Variants in ABI2 observed in about 807,000 individuals in gnomAD.
ABI2 encodes abl interactor 2.
In ABI2, 25 loss-of-function variants were observed where a neutral mutation model predicts 59.2. The ratio of observed to expected loss-of-function variants is 0.42; its 90% CI spans 0.31 to 0.59. The LOEUF (loss-of-function observed/expected upper bound fraction) is 0.59, where lower values mean the gene tolerates loss of function less well. Among genes scored for constraint, ABI2 ranks in the 20% least tolerant of loss-of-function variants. ABI2 has a pLI of 0.14. For synonymous variants in ABI2, 213 were observed against 235.5 expected, an observed-to-expected ratio of 0.90 and a Z score of 0.87; for missense variants, 545 against 681.8, an observed-to-expected ratio of 0.80 and a Z score of 2.23.
intron 1 of ABI2, among the ~76,000 whole-genome samples, chr2:203,359,761 A>G (rs1212454817): frequency 6.6e-6 from 1 of 152,166 alleles, no homozygotes; most frequent in Non-Finnish European, 1.5e-5. Flanking sequence ...AATCCCATTC[A>G]TGAAGGCTCT....
chr2:203,360,277 AC>A (rs2093292821), intron 1 of ABI2, among the ~76,000 whole-genome samples: 1 of 152,168 alleles, frequency 6.6e-6, no homozygotes, highest in African/African-American at 2.4e-5. Context: ...ATTTAAAAAA[AC>A]ACTTTAAAAT....
chr2:203,382,302 A>T, intron 4 of ABI2, 96 bp downstream of exon 4: 1 of 1,064,402 alleles, frequency 9.4e-7, no homozygotes. Flanking sequence ...GCCTTTTAAA[A>T]CCCAATAAAT....
intron 1 of ABI2, among the ~76,000 whole-genome samples, chr2:203,334,763 C>T (rs1466012282): frequency 6.6e-6 from 1 of 151,796 alleles, no homozygotes; most frequent in East Asian, 1.9e-4. Context: ...TGGGTTCAAG[C>T]AATTCTCCTG....
In ABI2 at chr2:203,391,220, T is replaced by A. The variant is rs1050273590; in HGVS notation, c.578+77T>A. The A allele has an allele frequency of 4.9e-6, 5 of 1,012,850 alleles. No individual in the cohort carries two copies. The African/African-American group carries it at 8.4e-5, about 17-fold the overall frequency. 62.7% of individuals were successfully genotyped at this position (1,012,850 alleles called of 1,614,324 possible). ...ATGAAGCACAACATATTTAAATTAT[T>A]TTTTGAATATTTGAAGAGAGAACAT... On this transcript the variant is annotated intron_variant, in intron 5 of 11. Transcript: ENST00000261018.
At chr2:203,356,019 T>C (rs1332568962) in intron 1 of ABI2, among the ~76,000 whole-genome samples, 1 of 152,090 alleles carries the variant, frequency 6.6e-6, no homozygotes, top group African/African-American at 2.4e-5. Context: ...AGTCAAGTAG[T>C]GTTTTGATTC....
intron 1 of ABI2, among the ~76,000 whole-genome samples, chr2:203,351,933 A>G (rs996072474): frequency 6.6e-6 from 1 of 152,192 alleles, no homozygotes; most frequent in African/African-American, 2.4e-5. Flanking sequence ...TAAGATTATA[A>G]CAGCTGAAAA....
intron 1 of ABI2, among the ~76,000 whole-genome samples, chr2:203,345,548 C>G (rs527618478): frequency 2.0e-5 from 3 of 152,184 alleles, no homozygotes; most frequent in East Asian, 3.9e-4. Context: ...GTAGCTGGGA[C>G]AACAGGTGCC....
At chr2:203,350,529 TTC>T (rs2087216331) in intron 1 of ABI2, among the ~76,000 whole-genome samples, 1 of 151,546 alleles carries the variant, frequency 6.6e-6, no homozygotes, top group Non-Finnish European at 1.5e-5. Context: ...TTTTTTCTTT[TTC>T]TTTCTTTTCT....
intron 2 of ABI2, among the ~76,000 whole-genome samples, chr2:203,378,386 T>C (rs9917228): frequency 0.039 from 5,998 of 152,184 alleles, 350 homozygotes; most frequent in African/African-American, 0.13. Flanking sequence ...GCTGGGATTA[T>C]AGGCGTGAGC....
intron 1 of ABI2, among the ~76,000 whole-genome samples, chr2:203,344,347 A>C (rs2081858774): frequency 6.6e-6 from 1 of 152,038 alleles, no homozygotes; most frequent in African/African-American, 2.4e-5. Flanking sequence ...AATCAAGAAC[A>C]ATATAATTTT....
intron 4 of ABI2, among the ~76,000 whole-genome samples, chr2:203,387,070 TTTTTTTC>T (rs1366235310): frequency 2.4e-5 from 3 of 124,980 alleles, no homozygotes; most frequent in East Asian, 4.1e-4. Context: ...TTTTTTTTTT[TTTTTTTC>T]CCCACATGCC....
At chr2:203,387,480 A>C (rs562209034) in intron 4 of ABI2, among the ~76,000 whole-genome samples, 1 of 152,296 alleles carries the variant, frequency 6.6e-6, no homozygotes, top group Non-Finnish European at 1.5e-5. Context: ...CTATTGGGAA[A>C]GTGTTTGAGC....
At chr2:203,351,532 GTTT>G in intron 1 of ABI2, 10 of 387,380 alleles carry the variant, frequency 2.6e-5, no homozygotes, top group African/African-American at 7.0e-5. Context: ...TCAGTGTTTA[GTTT>G]TTTTTTTTTT....
At chr2:203,393,090 C>T (rs955879642) in intron 5 of ABI2, among the ~76,000 whole-genome samples, 9 of 152,128 alleles carry the variant, frequency 5.9e-5, no homozygotes, top group Non-Finnish European at 8.8e-5. Flanking sequence ...CACTGGAGTG[C>T]GGTTGTACAA....
chr2:203,402,837 AC>A, intron 9 of ABI2, 103 bp downstream of exon 9: 1 of 903,350 alleles, frequency 1.1e-6, no homozygotes, highest in Non-Finnish European at 1.6e-6. Context: ...GGTGGTTAGC[AC>A]CATTTGTTGA....
intron 11 of ABI2, among the ~76,000 whole-genome samples, chr2:203,423,771 T>G (rs960924220): frequency 3.9e-5 from 6 of 152,190 alleles, no homozygotes; most frequent in African/African-American, 1.4e-4. Flanking sequence ...TTGCTTATCT[T>G]TAACTCTGCA....
chr2:203,348,885 C>T (rs2085563132), intron 1 of ABI2, among the ~76,000 whole-genome samples: 1 of 151,842 alleles, frequency 6.6e-6, no homozygotes, highest in Non-Finnish European at 1.5e-5. Flanking sequence ...TAGTACAAAG[C>T]CCCCTGAACC....
intron 2 of ABI2, among the ~76,000 whole-genome samples, chr2:203,376,766 A>G (rs1415180367): frequency 2.2e-5 from 2 of 90,022 alleles, no homozygotes; most frequent in South Asian, 3.3e-4. Flanking sequence ...GTTATGGTCT[A>G]TGGGTTTGGG....
Position 203,431,558 on chromosome 2 carries a change from A to G in ABI2, c.*4206A>G, listed in dbSNP as rs2098483660. ...GCAGTAAAAATGTTATATTACTCCA[A>G]CACTGGCAGGAGCACAGCACAGCAG... is the stretch of plus-strand genomic sequence containing the variant. On this transcript the variant is annotated 3_prime_UTR_variant, in exon 12 of 12. Coordinates refer to ENST00000261018, the MANE Select transcript of ABI2 (RefSeq NM_001375670.1). 1 of 152,500 alleles carries G rather than the reference A, an allele frequency of 6.6e-6. No homozygotes were observed. Among genetic ancestry groups the G allele is most frequent in the Non-Finnish European group, 1.5e-5 (1 of 68,018 alleles). The allele number at this position is 152,500 out of a possible 1,614,324, so 9.4% of individuals were successfully genotyped here.
Sources: gnomAD v4.1 joint callset for allele counts (sites outside exome capture counted in the v4.1 genomes callset) on GRCh38, gnomAD v4.1.1 for gene constraint, MANE v1.5 for transcripts, NCBI Gene and HGNC (gene_info 2026-07-23, HGNC 2026-07-21) for gene names.